Variants in TEX26 observed in about 807,000 individuals in gnomAD.
The protein encoded by TEX26 is testis-expressed protein 26.
In TEX26, 34 loss-of-function variants were observed where a neutral mutation model predicts 35.3. That is an observed-to-expected ratio of 0.96 (90% CI 0.73 to 1.28). The LOEUF (loss-of-function observed/expected upper bound fraction) is 1.28. Ranked by LOEUF, TEX26 falls within the 50% of genes most tolerant of loss-of-function variation. The pLI is 0.00. For synonymous variants in TEX26, 136 were observed against 111.8 expected (o/e 1.22, Z -1.36); for missense variants, 371 against 330.1 (o/e 1.12, Z -0.96).
intron 1 of TEX26, among the ~76,000 whole-genome samples, chr13:30,935,068 G>T (rs1953220728): frequency 6.6e-6 from 1 of 152,198 alleles, no homozygotes; most frequent in South Asian, 2.1e-4. Flanking sequence ...CCCCAGGAAG[G>T]ACACCCTTCA....
At chr13:30,934,510 T>A (rs1306547669) in intron 1 of TEX26, among the ~76,000 whole-genome samples, 1 of 152,244 alleles carries the variant, frequency 6.6e-6, no homozygotes. Context: ...CTCACAGCTC[T>A]GAAGGTCGAG....
At chr13:30,937,617 T>G (rs187806463) in intron 1 of TEX26, among the ~76,000 whole-genome samples, 2 of 152,320 alleles carry the variant, frequency 1.3e-5, no homozygotes, top group Admixed American at 6.5e-5. Flanking sequence ...TAAAATGCTT[T>G]CAAGCATAAA....
intron 2 of TEX26, among the ~76,000 whole-genome samples, chr13:30,940,365 G>A (rs1276709928): frequency 9.4e-6 from 1 of 106,542 alleles, no homozygotes; most frequent in Non-Finnish European, 1.7e-5. Flanking sequence ...ACAGAGTCTC[G>A]CTCTGTCGCC....
intron 4 of TEX26, among the ~76,000 whole-genome samples, chr13:30,965,446 G>T (rs1434620555): frequency 6.6e-6 from 1 of 152,152 alleles, no homozygotes; most frequent in Non-Finnish European, 1.5e-5. Context: ...CATTGCTCAT[G>T]AAACTCATAT....
rs188318059 is a variant in TEX26 at position 30,949,012 on chromosome 13, G to T, written c.147-3648G>T. 9.0e-3 allele frequency among the ~76,000 whole-genome samples: 1,364 copies of T among 152,192 alleles called. 21 individuals carry two copies. Among genetic ancestry groups the T allele is most frequent in the African/African-American group, 0.03 (1,254 of 41,528 alleles). Reference sequence around the variant, plus strand: ...TTAAATAGGGAATCCTTTCCCCATTGCTTGTTTTTGTCAGGTTTGTCAAAG... The same window carrying T: ...TTAAATAGGGAATCCTTTCCCCATTTCTTGTTTTTGTCAGGTTTGTCAAAG... On this transcript the variant is annotated intron_variant, in intron 2 of 6. Coordinates refer to ENST00000380473, the MANE Select transcript of TEX26 (RefSeq NM_152325.3).
rs183828313 is a variant in TEX26, at chr13:30,967,218, A to G, written c.646+820A>G. Among the ~76,000 whole-genome samples, 3 of 152,298 alleles carry G rather than the reference A, an allele frequency of 2.0e-5. No homozygotes were observed. The East Asian group carries it at 5.8e-4, about 29-fold the overall frequency. ...GTCTGAGACATGGTTCATTCCTGGCATGGGGTTGGGATCAAGTAGCACTTG... is the reference window on the plus strand; with the variant it reads ...GTCTGAGACATGGTTCATTCCTGGCGTGGGGTTGGGATCAAGTAGCACTTG... On this transcript the variant is annotated intron_variant, in intron 5 of 6. Coordinates refer to ENST00000380473, the MANE Select transcript of TEX26 (RefSeq NM_152325.3).
At chr13:30,964,540 T>TA (rs1219560183) in intron 4 of TEX26, among the ~76,000 whole-genome samples, 7 of 152,236 alleles carry the variant, frequency 4.6e-5, no homozygotes, top group African/African-American at 1.7e-4. Flanking sequence ...GAGATATAGA[T>TA]AAAAGCATCA....
At chr13:30,968,496 C>G (rs1196921696) in intron 5 of TEX26, among the ~76,000 whole-genome samples, 1 of 152,172 alleles carries the variant, frequency 6.6e-6, no homozygotes, top group Non-Finnish European at 1.5e-5. Context: ...CAGGCCTTCT[C>G]AACAGCCATC....
chr13:30,943,870 G>C (rs1375281501), intron 2 of TEX26, among the ~76,000 whole-genome samples: 4 of 151,998 alleles, frequency 2.6e-5, no homozygotes, highest in Admixed American at 2.6e-4. Flanking sequence ...TTAGTATTTT[G>C]TTGAGGATTT....
At chr13:30,963,161 A>G (rs1161535556) in intron 4 of TEX26, among the ~76,000 whole-genome samples, 1 of 151,964 alleles carries the variant, frequency 6.6e-6, no homozygotes, top group East Asian at 1.9e-4. Flanking sequence ...CTTGCTGAAG[A>G]CTTACTTTTG....
At chr13:30,967,123 C>G (rs1430652276) in intron 5 of TEX26, among the ~76,000 whole-genome samples, 2 of 152,186 alleles carry the variant, frequency 1.3e-5, no homozygotes, top group African/African-American at 4.8e-5. Context: ...TGTGCATCCC[C>G]TGAAAGTTTT....
chr13:30,946,854 A>G (rs1213285825), intron 2 of TEX26, among the ~76,000 whole-genome samples: 2 of 152,066 alleles, frequency 1.3e-5, no homozygotes, highest in African/African-American at 4.8e-5. Flanking sequence ...ACCAATGAAT[A>G]CTCTGAATGC....
At chr13:30,947,736 A>G (rs549204597) in intron 2 of TEX26, among the ~76,000 whole-genome samples, 89 of 152,106 alleles carry the variant, frequency 5.9e-4, no homozygotes, top group Non-Finnish European at 9.7e-4. Context: ...TTTCTATAAT[A>G]CAAACTTTTT....
At chr13:30,952,492 G>A (rs926016992) in intron 2 of TEX26, among the ~76,000 whole-genome samples, 168 bp from the exon 3 acceptor site, 2 of 152,058 alleles carry the variant, frequency 1.3e-5, no homozygotes, top group African/African-American at 4.8e-5. Flanking sequence ...CTAAAATACA[G>A]GGTTGTTTTC....
rs572461156 is a variant in TEX26, at chr13:30,955,956, G to C, written c.313-917G>C. Among the ~76,000 whole-genome samples, 9 of 152,140 alleles carry C rather than the reference G, an allele frequency of 5.9e-5. No individual in the cohort carries two copies. The South Asian group carries it at 1.9e-3, about 32-fold the overall frequency. Reference sequence around the variant, plus strand: ...TAGGAAGCAAGATCATGGGAAAGAGGGACGATGGCAAGAGGGGGTGAAGAT... The same window carrying C: ...TAGGAAGCAAGATCATGGGAAAGAGCGACGATGGCAAGAGGGGGTGAAGAT... On this transcript the variant is annotated intron_variant, in intron 3 of 6. Coordinates refer to ENST00000380473, the MANE Select transcript of TEX26 (RefSeq NM_152325.3).
chr13:30,944,148 C>T (rs1286600502), intron 2 of TEX26, among the ~76,000 whole-genome samples: 1 of 151,834 alleles, frequency 6.6e-6, no homozygotes, highest in Non-Finnish European at 1.5e-5. Flanking sequence ...TGTTATTGGT[C>T]TGCTCAGGGT....
chr13:30,950,223 T>C (rs1953868288), intron 2 of TEX26, among the ~76,000 whole-genome samples: 1 of 152,194 alleles, frequency 6.6e-6, no homozygotes, highest in African/African-American at 2.4e-5. Context: ...CTGACCAATA[T>C]GGTGAAACCC....
intron 6 of TEX26, among the ~76,000 whole-genome samples, chr13:30,971,265 G>A (rs1411612933): frequency 6.6e-6 from 1 of 152,236 alleles, no homozygotes; most frequent in Non-Finnish European, 1.5e-5. Flanking sequence ...TATCACAGCA[G>A]AGCTTTTGTG....
rs181716997 is a variant in TEX26 at position 30,958,765 on chromosome 13, G to A, written c.469+1736G>A. 7.2e-5 allele frequency among the ~76,000 whole-genome samples: 11 copies of A among 152,086 alleles called. No homozygotes were observed. In the East Asian group the frequency reaches 1.9e-3, roughly 27 times the overall value. The stretch of plus-strand genomic sequence containing the variant: ...TCTAAAGTATTAATCCCACCCCACC[G>A]GCATGCACATTGACTGTAGTATATC... On this transcript the variant is annotated intron_variant, in intron 4 of 6. Coordinates refer to ENST00000380473, the MANE Select transcript of TEX26 (RefSeq NM_152325.3).
Sources: allele counts gnomAD v4.1 joint callset (sites outside exome capture counted in the v4.1 genomes callset), GRCh38; gene constraint gnomAD v4.1.1; transcripts MANE v1.5; gene names NCBI Gene and HGNC (gene_info 2026-07-23, HGNC 2026-07-21).